Variants in ANPEP observed in about 807,000 individuals in gnomAD.
The protein encoded by ANPEP is alanyl aminopeptidase, membrane, also known as aminopeptidase N.
A neutral mutation model predicts 114.6 loss-of-function variants in ANPEP; 70 were observed. That is an observed-to-expected ratio of 0.61 (90% CI 0.50 to 0.75). The LOEUF is 0.75. Among genes scored for constraint, ANPEP ranks in the 30% least tolerant of loss-of-function variants. ANPEP has a pLI of 0.00. For missense variants in ANPEP, 1,184 were observed against 1,259.5 expected (o/e 0.94, Z 0.91); for synonymous variants, 548 against 522.3 (o/e 1.05, Z -0.67).
Position 89,805,459 on chromosome 15 carries a change from C to T in ANPEP, c.619G>A (p.Val207Met), listed in dbSNP as rs371453193. 8.1e-6 allele frequency: 13 copies of T among 1,613,882 alleles called. No individual in the cohort carries two copies. The highest frequency in any genetic ancestry group is 1.7e-5 in the Admixed American group (1 of 59,974). Residue 207 changes from valine (V) to methionine (M), a missense_variant, in exon 3 of 21, where the codon GTG becomes ATG. Physicochemically the swap from Val to Met is conservative, Grantham distance 21. Transcript: ENST00000300060. ...EYMEGNVRKV[V>M]ATTQMQAADA... ...GCAGCCTGCATCTGTGTAGTGGCCACCACCCTGCCCCAACAGGAAGGTTAG... is the reference window on the plus strand; with the variant it reads ...GCAGCCTGCATCTGTGTAGTGGCCATCACCCTGCCCCAACAGGAAGGTTAG...
chr15:89,794,154 C>T (rs1404223094), intron 15 of ANPEP, among the ~76,000 whole-genome samples: 2 of 152,124 alleles, frequency 1.3e-5, no homozygotes, highest in Admixed American at 6.6e-5. Flanking sequence ...GAAGGGGAGA[C>T]AGAAGCAAGG....
At chr15:89,797,429 ATCTT>A in intron 15 of ANPEP, 142 bp downstream of exon 15, 1 of 1,217,336 alleles carries the variant, frequency 8.2e-7, no homozygotes, top group African/African-American at 1.6e-5. Context: ...TGACAAGGCA[ATCTT>A]TCTTTTTTTT....
In ANPEP at chr15:89,785,032, G is replaced by A; in HGVS notation, c.*317C>T. The A allele has an allele frequency of 3.1e-6, 1 of 323,900 alleles. No homozygotes were observed. Among genetic ancestry groups the A allele is most frequent in the Admixed American group, 4.2e-5 (1 of 23,744 alleles). The allele number at this position is 323,900 out of a possible 1,614,324, so 20.1% of individuals were successfully genotyped here. ...GCGGCCCCCAGCAAGGCCGTTCATT[G>A]TCCATCGAGAGCTTCTGCTCATCTG... On this transcript the variant is annotated 3_prime_UTR_variant, in exon 21 of 21. Coordinates refer to ENST00000300060, the MANE Select transcript of ANPEP (RefSeq NM_001150.3).
At position 89,792,528 on chromosome 15, in the gene ANPEP, A is replaced by G. The variant is rs1968651421; in HGVS notation, c.2284T>C (p.Ser762Pro). 6.2e-7 allele frequency: 1 copy of G among 1,614,038 alleles called. No individual in the cohort carries two copies. The highest frequency in any genetic ancestry group is 1.3e-5 in the African/African-American group (1 of 74,926). Residue 762 changes from serine (S) to proline (P), a missense_variant, in exon 17 of 21, where the codon TCC becomes CCC. Ser to Pro is a moderately conservative substitution (Grantham distance 74). Coordinates refer to ENST00000300060, the MANE Select transcript of ANPEP (RefSeq NM_001150.3). The stretch of plus-strand genomic sequence containing the variant: ...TCCTCACACTCTGGAACTCCGTTGG[A>G]GCAGGCGGTGCTGATGGCATTAACC... ...SEVNAISTAC[S>P]NGVPECEEMV...
chr15:89,790,048 GA>G (rs1427619314), intron 20 of ANPEP, among the ~76,000 whole-genome samples: 2 of 139,508 alleles, frequency 1.4e-5, no homozygotes, highest in Admixed American at 1.5e-4. Flanking sequence ...GACAGAGCAA[GA>G]CTCCATCTCA....
intron 15 of ANPEP, among the ~76,000 whole-genome samples, chr15:89,794,432 C>T (rs1968690387): frequency 6.6e-6 from 1 of 151,924 alleles, no homozygotes. Context: ...TGAAGTGAGC[C>T]AAGATCGGGC....
In ANPEP at chr15:89,806,159, A is replaced by G; in HGVS notation, c.425T>C (p.Val142Ala). 1.2e-6 allele frequency: 2 copies of G among 1,613,990 alleles called. No homozygotes were observed. The highest frequency in any genetic ancestry group is 2.2e-5 in the South Asian group (2 of 91,078). ...AATGTCGGGGGGCTGGGAGCCTCCC[A>G]CACCACGCAGGACCACCCTGTGCCC... Reference protein sequence around the residue: ...SQGHRVVLRGVGGSQPPDIDK... With the variant: ...SQGHRVVLRGAGGSQPPDIDK... Residue 142 changes from valine (V) to alanine (A), a missense_variant, in exon 2 of 21, where the codon GTG (valine) becomes GCG (alanine). Val to Ala is a moderately conservative substitution (Grantham distance 64, BLOSUM62 0). Coordinates refer to ENST00000300060, the MANE Select transcript of ANPEP (RefSeq NM_001150.3). The surrounding 1 kb of genome is among the most constrained non-coding windows in gnomAD (Gnocchi z 5.7).
In ANPEP at chr15:89,809,075, G is replaced by T. The variant is rs1422712983; in HGVS notation, c.-223-2269C>A. Among the ~76,000 whole-genome samples, 7 of 152,314 alleles carry T rather than the reference G, an allele frequency of 4.6e-5. 1 individual carries two copies. Among genetic ancestry groups the T allele is most frequent in the Admixed American group, 4.6e-4 (7 of 15,310 alleles). ...TAGGCTTGGGTGATGACCCCAAGGGGCAATCGTGCGAAATCAGGTGTCAGG... is the reference window on the plus strand; with the variant it reads ...TAGGCTTGGGTGATGACCCCAAGGGTCAATCGTGCGAAATCAGGTGTCAGG... On this transcript the variant is annotated intron_variant, in intron 1 of 20. Coordinates refer to ENST00000300060, the MANE Select transcript of ANPEP (RefSeq NM_001150.3).
At chr15:89,812,126 A>G (rs1894826302) in intron 1 of ANPEP, among the ~76,000 whole-genome samples, 1 of 151,902 alleles carries the variant, frequency 6.6e-6, no homozygotes, top group African/African-American at 2.4e-5. Flanking sequence ...TAATATGAAG[A>G]CTCCAGGAGC....
chr15:89,807,322 T>C (rs1312572718), intron 1 of ANPEP, among the ~76,000 whole-genome samples: 1 of 152,260 alleles, frequency 6.6e-6, no homozygotes, highest in African/African-American at 2.4e-5. Flanking sequence ...TCTCTCCTCA[T>C]AAATAAATAA....
chr15:89,813,755 G>A (rs1485565683), intron 1 of ANPEP, among the ~76,000 whole-genome samples: 2 of 152,178 alleles, frequency 1.3e-5, no homozygotes, highest in African/African-American at 4.8e-5. Flanking sequence ...GGGCCCTCTG[G>A]TCCAAGCCTC....
chr15:89,812,227 G>A (rs1040312179), intron 1 of ANPEP, among the ~76,000 whole-genome samples: 6 of 152,250 alleles, frequency 3.9e-5, no homozygotes, highest in Non-Finnish European at 8.8e-5. Context: ...CTGGGTCCTT[G>A]GGTAGGCCCC....
intron 10 of ANPEP, among the ~76,000 whole-genome samples, chr15:89,802,025 G>T (rs1894604030): frequency 6.6e-6 from 1 of 152,134 alleles, no homozygotes; most frequent in Non-Finnish European, 1.5e-5. Context: ...AGTGCACTCG[G>T]ACTGGGGTGT....
At position 89,805,601 on chromosome 15, in the gene ANPEP, C is replaced by T. The variant is rs1323521331; in HGVS notation, c.615-138G>A. On this transcript the variant is annotated intron_variant, in intron 2 of 20. Coordinates refer to ENST00000300060, the MANE Select transcript of ANPEP (RefSeq NM_001150.3). ...ACCCCTGCTCCTGCTCCCACCCCCG[C>T]CTCGCCGGGAGCCTCCGGAGCCCTG... 3.1e-6 allele frequency: 4 copies of T among 1,291,340 alleles called. No homozygotes were observed. The East Asian group carries it at 1.0e-4, about 33-fold the overall frequency. The allele number at this position is 1,291,340 out of a possible 1,614,324, so 80.0% of individuals were successfully genotyped here. A position where few individuals can be genotyped will look rare whatever the true frequency, so the allele number is the denominator to read the frequency against.
chr15:89,787,108 C>T (rs923831824), intron 20 of ANPEP, among the ~76,000 whole-genome samples: 40 of 132,346 alleles, frequency 3.0e-4, no homozygotes, highest in African/African-American at 8.7e-4. Flanking sequence ...TGCAGTGGTG[C>T]GATCTCAGCT....
At chr15:89,798,017 G>T (rs1168881715) in intron 14 of ANPEP, among the ~76,000 whole-genome samples, 3 of 152,218 alleles carry the variant, frequency 2.0e-5, no homozygotes, top group Non-Finnish European at 4.4e-5. Flanking sequence ...TCAGAGAAGT[G>T]AAGTGACTTG....
In ANPEP at chr15:89,785,190, G is replaced by C; in HGVS notation, c.*159C>G. The C allele has an allele frequency of 1.0e-6, 1 of 982,222 alleles. No individual in the cohort carries two copies. The highest frequency in any genetic ancestry group is 1.5e-6 in the Non-Finnish European group (1 of 667,800). The allele number at this position is 982,222 out of a possible 1,614,324, so 60.8% of individuals were successfully genotyped here. On this transcript the variant is annotated 3_prime_UTR_variant, in exon 21 of 21. Coordinates refer to ENST00000300060, the MANE Select transcript of ANPEP (RefSeq NM_001150.3). The stretch of plus-strand genomic sequence containing the variant: ...AGGCAGCCTGGGTCATCAGGAACTA[G>C]ACTGGCTCACAGGCAGAGAGAACGT...
rs890996720 is a variant in ANPEP at position 89,799,832 on chromosome 15, C to T, written c.1820-273G>A. Among the ~76,000 whole-genome samples, 2 of 152,206 alleles carry T rather than the reference C, an allele frequency of 1.3e-5. No individual in the cohort carries two copies. Among genetic ancestry groups the T allele is most frequent in the Non-Finnish European group, 2.9e-5 (2 of 68,028 alleles). On this transcript the variant is annotated intron_variant, in intron 12 of 20. Coordinates refer to ENST00000300060, the MANE Select transcript of ANPEP (RefSeq NM_001150.3). The surrounding 1 kb of genome is among the most constrained non-coding windows in gnomAD (Gnocchi z 4.2). Reference sequence around the variant, plus strand: ...GCCAGGCCAGCTGCCAGGCCGCTCACACTCAGCAATCCAGGCTGTTCCTCC... The same window carrying T: ...GCCAGGCCAGCTGCCAGGCCGCTCATACTCAGCAATCCAGGCTGTTCCTCC...
chr15:89,799,426 C>A lies in ANPEP; in HGVS notation c.1953G>T (p.Ser651=), dbSNP rs184252270. 2 of 1,614,140 alleles carry A rather than the reference C, an allele frequency of 1.2e-6. No individual in the cohort carries two copies. Among genetic ancestry groups the A allele is most frequent in the South Asian group, 2.2e-5 (2 of 91,074 alleles). The change falls in exon 13 of 21, where the codon TCG becomes TCT. Residue 651 remains serine, a splice_region_variant and synonymous_variant. Transcript: ENST00000300060. This position sits in a 1 kb window ranked among gnomAD's most constrained non-coding sequence, Gnocchi z 4.2. ...KIQTQLQRDH[S]AIPVINRAQI... ...AGGGCGAGGGGTGGCAGACACTCAC[C>A]GAGTGGTCTCTCTGCAGCTGAGTCT...
Sources: allele counts gnomAD v4.1 joint callset (sites outside exome capture counted in the v4.1 genomes callset), GRCh38; gene constraint gnomAD v4.1.1; non-coding constraint Gnocchi (gnomAD v3.1); transcripts MANE v1.5; gene names NCBI Gene and HGNC (gene_info 2026-07-23, HGNC 2026-07-21).